C1orf141: variants seen among roughly 807,000 people sequenced by gnomAD.
The protein encoded by C1orf141 is uncharacterized protein C1orf141.
A neutral mutation model predicts 23.2 loss-of-function variants in C1orf141; 19 were observed. The observed-to-expected ratio is 0.82, with a 90% CI of 0.57 to 1.20. C1orf141 has a LOEUF of 1.20. Among genes scored for constraint, C1orf141 ranks in the 50% most tolerant of loss-of-function variants. C1orf141 has a pLI of 0.00. For synonymous variants in C1orf141, 153 were observed against 154.6 expected, an observed-to-expected ratio of 0.99 and a Z score of 0.08; for missense variants, 469 against 455.1, an observed-to-expected ratio of 1.03 and a Z score of -0.28.
At position 67,095,264 on chromosome 1, in the gene C1orf141, T is replaced by A. The variant is rs771895185; in HGVS notation, c.574A>T (p.Ser192Cys). 3.1e-6 allele frequency: 5 copies of A among 1,593,604 alleles called. No homozygotes were observed. The highest frequency in any genetic ancestry group is 3.4e-6 in the Non-Finnish European group (4 of 1,170,620). Residue 192 changes from serine (S) to cysteine (C), a missense_variant, in exon 7 of 8, where the codon AGT becomes TGT. Ser to Cys is a moderately radical substitution (Grantham distance 112). Coordinates refer to ENST00000684719, the MANE Select transcript of C1orf141 (RefSeq NM_001276351.2). The part of the protein sequence containing the change: ...KNPHAKIVNV[S>C]PTKTVTSHME... ...TGAGAAGTTACTGTCTTTGTTGGAC[T>A]AACGTTGACTATCTTGGCATGTGGA...
intron 4 of C1orf141, among the ~76,000 whole-genome samples, chr1:67,118,855 C>T (rs1029627302): frequency 2.0e-5 from 3 of 152,194 alleles, no homozygotes; most frequent in Non-Finnish European, 4.4e-5. Flanking sequence ...CCTCACCAGA[C>T]ACCCAATCTG....
chr1:67,140,377 C>A (rs894324303), intron 1 of C1orf141, among the ~76,000 whole-genome samples: 1 of 152,040 alleles, frequency 6.6e-6, no homozygotes, highest in African/African-American at 2.4e-5. Context: ...TCACTAAGGA[C>A]AAACACCATA....
chr1:67,133,347 G>A (rs913051430), intron 1 of C1orf141, among the ~76,000 whole-genome samples: 5 of 152,264 alleles, frequency 3.3e-5, no homozygotes, highest in Admixed American at 2.0e-4. Context: ...CCTTGAGGAC[G>A]AGGCCACTTC....
intron 5 of C1orf141, among the ~76,000 whole-genome samples, chr1:67,102,933 T>C (rs1380396092): frequency 1.3e-5 from 2 of 152,112 alleles, no homozygotes; most frequent in Non-Finnish European, 2.9e-5. Context: ...GGCTAAAATC[T>C]CTTAACTATT....
At chr1:67,124,441 T>C (rs1646363310) in intron 4 of C1orf141, among the ~76,000 whole-genome samples, 1 of 152,108 alleles carries the variant, frequency 6.6e-6, no homozygotes, top group Admixed American at 6.5e-5. Context: ...GCCTCCCAAG[T>C]AGCTGGGACT....
rs1646170260 is a variant in C1orf141 at position 67,115,266 on chromosome 1, C to T, written c.346+86G>A. ...TGACAGAGATCAAATTATCAAGAACCTTTAAGACACACATCGGTAAATAAT... is the reference window on the plus strand; with the variant it reads ...TGACAGAGATCAAATTATCAAGAACTTTTAAGACACACATCGGTAAATAAT... On this transcript the variant is annotated intron_variant, in intron 5 of 7. Transcript: ENST00000684719. The T allele has an allele frequency of 6.5e-6, 4 of 614,546 alleles. No individual in the cohort carries two copies. In the South Asian group the frequency reaches 8.1e-5, roughly 12 times the overall value. The allele number at this position is 614,546 out of a possible 1,614,324, so 38.1% of individuals were successfully genotyped here. A position where few individuals can be genotyped will look rare whatever the true frequency, so the allele number is the denominator to read the frequency against.
chr1:67,127,843 C>T (rs1296092166), intron 2 of C1orf141, among the ~76,000 whole-genome samples: 1 of 152,056 alleles, frequency 6.6e-6, no homozygotes, highest in Non-Finnish European at 1.5e-5. Flanking sequence ...TCATGTTGGC[C>T]AGGCTGGTCT....
chr1:67,131,497 A>G (rs1182183531), intron 1 of C1orf141, among the ~76,000 whole-genome samples: 1 of 152,142 alleles, frequency 6.6e-6, no homozygotes, highest in Non-Finnish European at 1.5e-5. Flanking sequence ...TCCAGCCCAC[A>G]AACCTTGGCT....
upstream of C1orf141, among the ~76,000 whole-genome samples, chr1:67,137,491 C>T (rs536741362): frequency 1.3e-5 from 2 of 152,296 alleles, no homozygotes; most frequent in East Asian, 1.9e-4. Flanking sequence ...CAGGCATAAT[C>T]GGTTGATTAA....
chr1:67,133,128 T>A (rs1293632991), intron 1 of C1orf141, among the ~76,000 whole-genome samples: 1 of 152,138 alleles, frequency 6.6e-6, no homozygotes, highest in Non-Finnish European at 1.5e-5. Context: ...CCTTTGGGAC[T>A]AAAAACAAAC....
rs190190677 is a variant in C1orf141, at chr1:67,114,873, G to A, written c.346+479C>T. On this transcript the variant is annotated intron_variant, in intron 5 of 7. Coordinates refer to ENST00000684719, the MANE Select transcript of C1orf141 (RefSeq NM_001276351.2). Reference sequence around the variant, plus strand: ...GTACGTTTAATAGAGACGGGGTTTCGCCATGTTGGCCAGGCTGGTCTCGAA... The same window carrying A: ...GTACGTTTAATAGAGACGGGGTTTCACCATGTTGGCCAGGCTGGTCTCGAA... Among the ~76,000 whole-genome samples the A allele has an allele frequency of 1.6e-4, 24 of 152,194 alleles. No individual in the cohort carries two copies. In the East Asian group the frequency reaches 3.3e-3, roughly 21 times the overall value.
chr1:67,136,706 G>T (rs555252126), upstream of C1orf141, among the ~76,000 whole-genome samples: 1 of 151,932 alleles, frequency 6.6e-6, no homozygotes, highest in South Asian at 2.1e-4. Context: ...ACCTTAATTC[G>T]TATCTATGGA....
In C1orf141 at chr1:67,113,645, A is replaced by T. The variant is rs1222699661; in HGVS notation, c.346+1707T>A. ...ATCTCAAAGTGCTGGGATTACAGCC[A>T]TGAGCCACCGTGCCCGGCCAGGTCT... On this transcript the variant is annotated intron_variant, in intron 5 of 7. Coordinates refer to ENST00000684719, the MANE Select transcript of C1orf141 (RefSeq NM_001276351.2). 1.0e-5 allele frequency: 12 copies of T among 1,165,502 alleles called. No homozygotes were observed. The Admixed American group carries it at 1.4e-4, about 13-fold the overall frequency. 72.2% of individuals were successfully genotyped at this position (1,165,502 alleles called of 1,614,324 possible). A position where few individuals can be genotyped will look rare whatever the true frequency, so the allele number is the denominator to read the frequency against.
At chr1:67,138,353 A>C (rs1325548079), upstream of C1orf141, among the ~76,000 whole-genome samples, 3 of 152,174 alleles carry the variant, frequency 2.0e-5, no homozygotes, top group Non-Finnish European at 4.4e-5. Flanking sequence ...TTATTTGTGA[A>C]TCCAATGGAC....
At position 67,109,687 on chromosome 1, in the gene C1orf141, T is replaced by C. The variant is rs919430694; in HGVS notation, c.346+5665A>G. 2.4e-4 allele frequency among the ~76,000 whole-genome samples: 37 copies of C among 152,358 alleles called. No homozygotes were observed. In the East Asian group the frequency reaches 4.6e-3, roughly 19 times the overall value. On this transcript the variant is annotated intron_variant, in intron 5 of 7. Coordinates refer to ENST00000684719, the MANE Select transcript of C1orf141 (RefSeq NM_001276351.2). ...CCAGGCAAGTTGCTTATCTTCCTTG[T>C]GCCTCTTTTTTCTCAGGGATAATAG...
intron 5 of C1orf141, chr1:67,103,438 T>G (rs1238115031): frequency 4.8e-6 from 5 of 1,052,146 alleles, no homozygotes; most frequent in Non-Finnish European, 6.3e-6. Context: ...TCCGTGTATA[T>G]TAATAAATAA....
intron 3 of C1orf141, among the ~76,000 whole-genome samples, chr1:67,126,605 A>G (rs1193982521): frequency 6.6e-6 from 1 of 152,142 alleles, no homozygotes; most frequent in Non-Finnish European, 1.5e-5. Flanking sequence ...AATATATGAA[A>G]ACAACTGCCC....
rs1204410462 is a variant in C1orf141, at chr1:67,092,769, G to T, written c.*236C>A. The T allele has an allele frequency of 6.4e-6, 2 of 312,986 alleles. No individual in the cohort carries two copies. The highest frequency in any genetic ancestry group is 4.3e-5 in the South Asian group (1 of 23,150). The allele number at this position is 312,986 out of a possible 1,614,324, so 19.4% of individuals were successfully genotyped here. On this transcript the variant is annotated 3_prime_UTR_variant, in exon 8 of 8. Coordinates refer to ENST00000684719, the MANE Select transcript of C1orf141 (RefSeq NM_001276351.2). ...ATTGAGCAATCTAATTGAGATAATA[G>T]AAAGTCATGAACTAGATCCTCTTGG...
intron 1 of C1orf141, among the ~76,000 whole-genome samples, chr1:67,133,236 T>C (rs1309256769): frequency 1.3e-5 from 2 of 152,214 alleles, no homozygotes; most frequent in Non-Finnish European, 2.9e-5. Flanking sequence ...ACTAAGAATC[T>C]CTAAAGTTAC....
Sources: gnomAD v4.1 joint callset for allele counts (sites outside exome capture counted in the v4.1 genomes callset) on GRCh38, gnomAD v4.1.1 for gene constraint, MANE v1.5 for transcripts, NCBI Gene and HGNC (gene_info 2026-07-23, HGNC 2026-07-21) for gene names.